RXRA: variants seen among roughly 807,000 people sequenced by gnomAD.
RXRA encodes retinoid X receptor alpha, also known as retinoic acid receptor RXR-alpha.
Under a neutral mutation model 44.5 loss-of-function variants are expected in RXRA, and 5 were observed. The ratio of observed to expected loss-of-function variants is 0.11; its 90% CI spans 0.06 to 0.24. The LOEUF (loss-of-function observed/expected upper bound fraction) is 0.24. RXRA is among the 10% of genes least tolerant of loss of function. The pLI is 1.00. For missense variants in RXRA, 412 were observed against 646.5 expected (o/e 0.64, Z 3.93); for synonymous variants, 291 against 271.4 (o/e 1.07, Z -0.71).
chr9:134,356,439 G>A (rs1215104275), intron 1 of RXRA, among the ~76,000 whole-genome samples: 1 of 152,030 alleles, frequency 6.6e-6, no homozygotes, highest in East Asian at 1.9e-4. Context: ...TGGCCGGGCC[G>A]GGGAGCCAGG....
At chr9:134,388,694 C>T (rs1034774737) in intron 1 of RXRA, among the ~76,000 whole-genome samples, 8 of 152,226 alleles carry the variant, frequency 5.3e-5, no homozygotes, top group Non-Finnish European at 1.2e-4. Context: ...ATTCTGGGCG[C>T]ATCGGGCTCT....
chr9:134,421,105 C>A (rs1050279321), intron 5 of RXRA, among the ~76,000 whole-genome samples: 1 of 152,252 alleles, frequency 6.6e-6, no homozygotes, highest in African/African-American at 2.4e-5. Context: ...CCGCACCTGC[C>A]TTCCAGAGCT....
intron 1 of RXRA, among the ~76,000 whole-genome samples, chr9:134,357,856 C>T (rs1830301312): frequency 6.6e-6 from 1 of 152,220 alleles, no homozygotes; most frequent in Non-Finnish European, 1.5e-5. Context: ...GCAACCTTCA[C>T]ACTGTCTGAT....
At chr9:134,373,233 GA>G (rs1184363037) in intron 1 of RXRA, among the ~76,000 whole-genome samples, 1 of 152,298 alleles carries the variant, frequency 6.6e-6, no homozygotes, top group East Asian at 1.9e-4. Context: ...GGGTCCCAGA[GA>G]CCAGCCTTTG....
chr9:134,440,423 G>A lies in RXRA; in HGVS notation c.*3809G>A, dbSNP rs1211949466. The stretch of plus-strand genomic sequence containing the variant: ...CTCTGGCCTTCCTGTGACTGACTGT[G>A]AAGTGGCTTCTCCGTACGATTGTCT... On this transcript the variant is annotated 3_prime_UTR_variant, in exon 10 of 10. Transcript: ENST00000481739. The A allele has an allele frequency of 6.6e-6, 1 of 152,604 alleles. No individual in the cohort carries two copies. Among genetic ancestry groups the A allele is most frequent in the Non-Finnish European group, 1.5e-5 (1 of 68,068 alleles). The allele number at this position is 152,604 out of a possible 1,614,324, so 9.5% of individuals were successfully genotyped here.
intron 1 of RXRA, among the ~76,000 whole-genome samples, chr9:134,332,790 A>G (rs1554746828): frequency 3.3e-5 from 5 of 152,092 alleles, no homozygotes; most frequent in African/African-American, 1.2e-4. Context: ...GCCTGGAAGG[A>G]GGAAGTGACT....
chr9:134,326,862 G>T (rs1396627820), intron 1 of RXRA, among the ~76,000 whole-genome samples: 4 of 144,666 alleles, frequency 2.8e-5, no homozygotes, highest in Non-Finnish European at 4.6e-5. Flanking sequence ...CCGGGGCGGG[G>T]CTGGGCAGCG....
intron 1 of RXRA, among the ~76,000 whole-genome samples, chr9:134,393,184 C>T (rs1830825777): frequency 6.6e-6 from 1 of 152,156 alleles, no homozygotes. Context: ...TGCCGTCAGC[C>T]TAAAGCCATG....
intron 1 of RXRA, among the ~76,000 whole-genome samples, chr9:134,327,195 G>A (rs1324014776): frequency 6.6e-6 from 1 of 152,132 alleles, no homozygotes; most frequent in Non-Finnish European, 1.5e-5. Flanking sequence ...CCACGCCCGG[G>A]TGGGCAGGGT....
intron 1 of RXRA, chr9:134,379,400 C>T (rs1830605288): frequency 3.0e-6 from 3 of 987,388 alleles, no homozygotes; most frequent in Admixed American, 6.1e-5. Flanking sequence ...TCTGGGGCAC[C>T]CTGAGATGGG....
intron 1 of RXRA, among the ~76,000 whole-genome samples, chr9:134,364,011 G>C (rs1210761234): frequency 5.3e-5 from 8 of 152,182 alleles, no homozygotes; most frequent in Non-Finnish European, 2.9e-5. Flanking sequence ...TCCTCTCCCA[G>C]TTGCCCCTCC....
intron 1 of RXRA, among the ~76,000 whole-genome samples, chr9:134,338,391 AGGCCACT>A (rs1830039471): frequency 6.6e-6 from 1 of 152,232 alleles, no homozygotes; most frequent in Non-Finnish European, 1.5e-5. Flanking sequence ...TGCAGGACAC[AGGCCACT>A]TCTGGTCCCA....
chr9:134,435,693 C>G (rs925563765), intron 9 of RXRA, among the ~76,000 whole-genome samples: 8 of 152,174 alleles, frequency 5.3e-5, no homozygotes, highest in African/African-American at 1.4e-4. Context: ...CCCCCTCCCC[C>G]GCCTGATGCT....
At chr9:134,329,075 C>T (rs1432342800) in intron 1 of RXRA, among the ~76,000 whole-genome samples, 5 of 152,240 alleles carry the variant, frequency 3.3e-5, no homozygotes, top group Non-Finnish European at 5.9e-5. Flanking sequence ...GGGACTCAGG[C>T]GGAGTCCACA....
Position 134,349,579 on chromosome 9 carries a change from C to T in RXRA, c.28+22920C>T, listed in dbSNP as rs1830196275. On this transcript the variant is annotated intron_variant, in intron 1 of 9. Coordinates refer to ENST00000481739, the MANE Select transcript of RXRA (RefSeq NM_002957.6). This position sits in a 1 kb window ranked among gnomAD's most constrained non-coding sequence, Gnocchi z 4.3. ...ACCCAGCAACTTGGCGAGCATGGGC[C>T]AGACAGGGGCAGGGTTCTCAGGTGG... 1.3e-5 allele frequency among the ~76,000 whole-genome samples: 2 copies of T among 152,184 alleles called. No individual in the cohort carries two copies. Among genetic ancestry groups the T allele is most frequent in the African/African-American group, 4.8e-5 (2 of 41,434 alleles).
At chr9:134,354,416 T>C (rs12348547) in intron 1 of RXRA, among the ~76,000 whole-genome samples, 5,059 of 152,272 alleles carry the variant, frequency 0.033, 261 homozygotes, top group African/African-American at 0.11. Context: ...GGTGCGTGTG[T>C]GGTGGTGGAA....
chr9:134,369,548 G>T (rs756044996), intron 1 of RXRA, among the ~76,000 whole-genome samples: 1 of 151,616 alleles, frequency 6.6e-6, no homozygotes, highest in East Asian at 1.9e-4. Context: ...GTTGGAGATC[G>T]CAGCTGTTGT....
chr9:134,407,629 G>T lies in RXRA; in HGVS notation c.280-520G>T, dbSNP rs1322790675. ...CCCCTCTCCTGGGTCACGTGACCAG[G>T]GCCCCTGCCCTGCGGTGTTGTGGGG... On this transcript the variant is annotated intron_variant, in intron 2 of 9. Transcript: ENST00000481739. This position sits in a 1 kb window ranked among gnomAD's most constrained non-coding sequence, Gnocchi z 4.8. 6.6e-6 allele frequency among the ~76,000 whole-genome samples: 1 copy of T among 152,086 alleles called. No homozygotes were observed. Among genetic ancestry groups the T allele is most frequent in the Non-Finnish European group, 1.5e-5 (1 of 68,002 alleles).
At chr9:134,421,588 A>G in intron 5 of RXRA, 88 bp from the exon 6 acceptor site, 1 of 1,407,628 alleles carries the variant, frequency 7.1e-7, no homozygotes, top group Non-Finnish European at 9.6e-7. Flanking sequence ...GCATGGGCCC[A>G]GCGTGTGGCA....
Sources: allele counts gnomAD v4.1 joint callset (sites outside exome capture counted in the v4.1 genomes callset), GRCh38; gene constraint gnomAD v4.1.1; non-coding constraint Gnocchi (gnomAD v3.1); transcripts MANE v1.5; gene names NCBI Gene and HGNC (gene_info 2026-07-23, HGNC 2026-07-21).